The following MRPS31 variants were observed in gnomAD, a reference collection of about 807,000 sequenced individuals.
MRPS31 encodes small ribosomal subunit protein mS31.
A neutral mutation model predicts 43.1 loss-of-function variants in MRPS31; 32 were observed. That is an observed-to-expected ratio of 0.74 (90% CI 0.56 to 1.00). The LOEUF is 1.00. MRPS31 is among the 50% of genes least tolerant of loss of function. MRPS31 has a pLI of 0.00. For synonymous variants in MRPS31, 165 were observed against 161.6 expected, an observed-to-expected ratio of 1.02 and a Z score of -0.16; for missense variants, 437 against 466.7, an observed-to-expected ratio of 0.94 and a Z score of 0.59.
chr13:40,750,900 T>C (rs1023501587), intron 5 of MRPS31, among the ~76,000 whole-genome samples: 8 of 151,694 alleles, frequency 5.3e-5, no homozygotes, highest in African/African-American at 1.7e-4. Context: ...AATATTTCCT[T>C]AGAACAAATT....
intron 6 of MRPS31, among the ~76,000 whole-genome samples, chr13:40,747,470 C>T (rs1270906388): frequency 6.6e-6 from 1 of 152,080 alleles, no homozygotes; most frequent in Non-Finnish European, 1.5e-5. Context: ...ACTAAAAAGG[C>T]GTTGGTCTTT....
At chr13:40,731,285 G>C (rs1449191619) in intron 6 of MRPS31, 1 of 157,352 alleles carries the variant, frequency 6.4e-6, no homozygotes, top group Non-Finnish European at 1.3e-5. Flanking sequence ...AGAAAAGACA[G>C]AGGAGGCCGG....
rs769439474 is a variant in MRPS31, at chr13:40,754,279, G to C, written c.741-187C>G. On this transcript the variant is annotated intron_variant, in intron 4 of 6. Coordinates refer to ENST00000323563, the MANE Select transcript of MRPS31 (RefSeq NM_005830.4). Reference sequence around the variant, plus strand: ...AAACAAAAAACAGAAATGTGCACTTGAAGTTTTGCTTCATAATACAACAAA... The same window carrying C: ...AAACAAAAAACAGAAATGTGCACTTCAAGTTTTGCTTCATAATACAACAAA... 1.6e-3 allele frequency among the ~76,000 whole-genome samples: 243 copies of C among 152,120 alleles called. 2 individuals carry two copies. The highest frequency in any genetic ancestry group is 1.4e-3 in the Non-Finnish European group (92 of 68,018).
In MRPS31 at chr13:40,744,624, C is replaced by T. The variant is rs563448029; in HGVS notation, c.958+4514G>A. Among the ~76,000 whole-genome samples the T allele has an allele frequency of 1.7e-3, 259 of 151,540 alleles. 4 individuals carry two copies. The highest frequency in any genetic ancestry group is 5.9e-3 in the African/African-American group (243 of 41,298). ...TAGCCCAGGCTGGAGTGCAGTGGCG[C>T]GACCTCTGCCTCCCAGGTTCAAGCA... On this transcript the variant is annotated intron_variant, in intron 6 of 6. Transcript: ENST00000323563.
chr13:40,769,291 G>T (rs1404389217), intron 1 of MRPS31, among the ~76,000 whole-genome samples: 1 of 148,348 alleles, frequency 6.7e-6, no homozygotes, highest in African/African-American at 2.5e-5. Context: ...CAGAAGAATC[G>T]CTTGAACCCA....
At position 40,735,401 on chromosome 13, in the gene MRPS31, A is replaced by G. The variant is rs376424292; in HGVS notation, c.959-5800T>C. On this transcript the variant is annotated intron_variant, in intron 6 of 6. Transcript: ENST00000323563. Reference sequence around the variant, plus strand: ...GCTTGCTTAGGTAAACAAAGCAGCCAGGAAGCTCGAACTGGGTGGAGCCCA... The same window carrying G: ...GCTTGCTTAGGTAAACAAAGCAGCCGGGAAGCTCGAACTGGGTGGAGCCCA... Among the ~76,000 whole-genome samples, 996 of 152,118 alleles carry G rather than the reference A, an allele frequency of 6.5e-3. 10 individuals carry two copies. The highest frequency in any genetic ancestry group is 0.048 in the East Asian group (246 of 5,166).
intron 6 of MRPS31, among the ~76,000 whole-genome samples, chr13:40,739,168 T>C (rs1252740353): frequency 6.6e-6 from 1 of 151,898 alleles, no homozygotes; most frequent in East Asian, 1.9e-4. Context: ...AGCCAAATCA[T>C]GAGTGAACTC....
chr13:40,750,471 T>C (rs1185084009), intron 5 of MRPS31, among the ~76,000 whole-genome samples: 1 of 152,040 alleles, frequency 6.6e-6, no homozygotes, highest in Non-Finnish European at 1.5e-5. Flanking sequence ...CATGGGTGTA[T>C]ATATTTGTCA....
chr13:40,771,042 A>G lies in MRPS31; in HGVS notation c.95T>C (p.Met32Thr). ...TGTTCCGTGCCGAACAGTGAGTAGC[A>G]TAATCGCAGCCGCTGATGTCTCCGG... ...GSPETSAAAI[M>T]LLTVRHGTVR... Residue 32 changes from methionine (M) to threonine (T), a missense_variant, in exon 1 of 7, where the codon ATG becomes ACG. Transcript: ENST00000323563. 6.2e-7 allele frequency: 1 copy of G among 1,614,218 alleles called. No individual in the cohort carries two copies. The highest frequency in any genetic ancestry group is 8.5e-7 in the Non-Finnish European group (1 of 1,180,034).
At chr13:40,729,864 G>C (rs1879626580) in intron 6 of MRPS31, among the ~76,000 whole-genome samples, 1 of 151,600 alleles carries the variant, frequency 6.6e-6, no homozygotes, top group Non-Finnish European at 1.5e-5. Flanking sequence ...CGAGTAGCTG[G>C]GACTACAGGC....
intron 6 of MRPS31, among the ~76,000 whole-genome samples, chr13:40,735,176 G>A (rs1328661605): frequency 2.6e-5 from 4 of 152,156 alleles, no homozygotes; most frequent in East Asian, 1.9e-4. Flanking sequence ...GGTGACGGAC[G>A]GCACCTGGAA....
At chr13:40,748,306 C>CA (rs1378208396) in intron 6 of MRPS31, among the ~76,000 whole-genome samples, 2 of 152,148 alleles carry the variant, frequency 1.3e-5, no homozygotes, top group Non-Finnish European at 2.9e-5. Context: ...TACAGGCATG[C>CA]ACCATTATGC....
In MRPS31 at chr13:40,758,968, A is replaced by G; in HGVS notation, c.579T>C (p.Asp193=). The G allele has an allele frequency of 6.3e-7, 1 of 1,589,924 alleles. No homozygotes were observed. Among genetic ancestry groups the G allele is most frequent in the Non-Finnish European group, 8.5e-7 (1 of 1,171,370 alleles). ...CTCACCTAATTTTAGGTCGCTTTGCATCTCTCTGTGCCCTTGACTCTTCCT... is the reference window on the plus strand; with the variant it reads ...CTCACCTAATTTTAGGTCGCTTTGCGTCTCTCTGTGCCCTTGACTCTTCCT... The part of the protein sequence containing the change: ...QHEEESRAQR[D]AKRPKISFSN... Residue 193 remains aspartate, a synonymous_variant, in exon 3 of 7, where the codon GAT becomes GAC. Coordinates refer to ENST00000323563, the MANE Select transcript of MRPS31 (RefSeq NM_005830.4).
rs1284745460 is a variant in MRPS31 at position 40,749,164 on chromosome 13, C to A, written c.932G>T (p.Trp311Leu). The change falls in exon 6 of 7, where the codon TGG becomes TTG. Residue 311 changes from tryptophan (W) to leucine (L), a missense_variant. By Grantham distance (61) the Trp-to-Leu change is moderately conservative. Transcript: ENST00000323563. Reference protein sequence around the residue: ...LIQWTKEGKLWEFPINNEAGF... With the variant: ...LIQWTKEGKLLEFPINNEAGF... ...TGCTTCATTGTTAATTGGGAACTCC[C>A]ATAGTTTCCCCTCTTTTGTCCACTG... The A allele has an allele frequency of 2.5e-6, 4 of 1,599,286 alleles. No individual in the cohort carries two copies. In the South Asian group the frequency reaches 4.5e-5, roughly 18 times the overall value.
intron 2 of MRPS31, among the ~76,000 whole-genome samples, chr13:40,764,297 C>T (rs116682926): frequency 0.017 from 2,550 of 152,054 alleles, 52 homozygotes; most frequent in African/African-American, 0.055. Flanking sequence ...GCACATCCTC[C>T]GAATACTTTT....
In MRPS31 at chr13:40,764,980, C is replaced by A. The variant is rs552510676; in HGVS notation, c.440+1766G>T. On this transcript the variant is annotated intron_variant, in intron 2 of 6. Coordinates refer to ENST00000323563, the MANE Select transcript of MRPS31 (RefSeq NM_005830.4). Reference sequence around the variant, plus strand: ...AATATTTAATACAAACAAAGAAAAGCAGTCTATGTATGAAGCAATGATGAC... The same window carrying A: ...AATATTTAATACAAACAAAGAAAAGAAGTCTATGTATGAAGCAATGATGAC... 2.6e-5 allele frequency among the ~76,000 whole-genome samples: 4 copies of A among 152,280 alleles called. No individual in the cohort carries two copies. The South Asian group carries it at 8.3e-4, about 32-fold the overall frequency.
intron 4 of MRPS31, among the ~76,000 whole-genome samples, chr13:40,755,867 T>C (rs773646243): frequency 1.2e-4 from 18 of 152,370 alleles, no homozygotes; most frequent in Non-Finnish European, 2.1e-4. Context: ...CCAAGATGAA[T>C]GATTCAGTTA....
intron 6 of MRPS31, among the ~76,000 whole-genome samples, chr13:40,737,633 TCA>T (rs1879960711): frequency 6.6e-6 from 1 of 152,234 alleles, no homozygotes; most frequent in Non-Finnish European, 1.5e-5. Context: ...ATTAAGAATC[TCA>T]CTCAAAACTG....
rs190789123 is a variant in MRPS31 at position 40,758,961 on chromosome 13, G to A, written c.586C>T (p.Arg196Ter). The change falls in exon 3 of 7, where the codon CGA becomes TGA. Residue 196 changes from arginine to a stop codon, truncating the protein, a stop_gained. Transcript: ENST00000323563. LOFTEE classifies it high-confidence loss of function. ...EESRAQRDAKRPKISFSNIIS... is the reference protein window; with the variant it reads ...EESRAQRDAK The stretch of plus-strand genomic sequence containing the variant: ...TGATTCACTCACCTAATTTTAGGTC[G>A]CTTTGCATCTCTCTGTGCCCTTGAC... 1.5e-5 allele frequency: 24 copies of A among 1,579,344 alleles called. No individual in the cohort carries two copies. The highest frequency in any genetic ancestry group is 1.1e-4 in the African/African-American group (8 of 73,760).
Sources: allele counts gnomAD v4.1 joint callset (sites outside exome capture counted in the v4.1 genomes callset), GRCh38; gene constraint gnomAD v4.1.1; transcripts MANE v1.5; gene names NCBI Gene and HGNC (gene_info 2026-07-23, HGNC 2026-07-21).